The following PTBP3 variants were observed in gnomAD, a reference collection of about 807,000 sequenced individuals.
The protein encoded by PTBP3 is polypyrimidine tract-binding protein 3.
In PTBP3, 20 loss-of-function variants were observed where a neutral mutation model predicts 58.7. That is an observed-to-expected ratio of 0.34 (90% confidence interval 0.24 to 0.50). PTBP3 has a LOEUF of 0.50. Ranked by LOEUF, PTBP3 falls within the 20% of genes least tolerant of loss-of-function variation. The pLI is 0.98. For synonymous variants in PTBP3, 185 were observed against 219.8 expected, an observed-to-expected ratio of 0.84 and a Z score of 1.40; for missense variants, 509 against 637.2, an observed-to-expected ratio of 0.80 and a Z score of 2.17.
At position 112,298,895 on chromosome 9, in the gene PTBP3, G is replaced by T. The variant is rs547868220; in HGVS notation, c.-51-979C>A. On this transcript the variant is annotated intron_variant, in intron 1 of 13. Coordinates refer to ENST00000374257, the MANE Select transcript of PTBP3 (RefSeq NM_001163788.4). ...ACTCCCTTTGGATCTTTCACTGGAA[G>T]TTTATAGAGACATCTGGGAATAAGA... Among the ~76,000 whole-genome samples, 5 of 152,296 alleles carry T rather than the reference G, an allele frequency of 3.3e-5. No homozygotes were observed. The South Asian group carries it at 6.2e-4, about 19-fold the overall frequency.
At chr9:112,344,695 A>G in the PTBP3 span, among the ~76,000 whole-genome samples, 1 of 152,242 alleles carries the variant, frequency 6.6e-6, no homozygotes, top group African/African-American at 2.4e-5. Context: ...TCTATGTAGA[A>G]AATTCAAAAG....
At chr9:112,277,914 AAC>A (rs1237468930) in intron 2 of PTBP3, among the ~76,000 whole-genome samples, 23 of 128,164 alleles carry the variant, frequency 1.8e-4, no homozygotes, top group African/African-American at 6.7e-4. Flanking sequence ...AACATAACAT[AAC>A]ATAACATAAC....
In PTBP3 at chr9:112,277,022, A is replaced by G. The variant is rs74563877; in HGVS notation, c.35-1009T>C. ...AAAAATATCATTTCTCTAAACACTA[A>G]TGAAACTTTACAATCAAATGTCTGT... is the stretch of plus-strand genomic sequence containing the variant. On this transcript the variant is annotated intron_variant, in intron 2 of 13. Transcript: ENST00000374257. Among the ~76,000 whole-genome samples, 177 of 152,326 alleles carry G rather than the reference A, an allele frequency of 1.2e-3. 8 individuals carry two copies. The East Asian group carries it at 0.032, about 28-fold the overall frequency.
chr9:112,330,543 T>G, intron 1 of PTBP3: 1 of 1,067,606 alleles, frequency 9.4e-7, no homozygotes, highest in Non-Finnish European at 1.4e-6. Context: ...AAGACAGAGA[T>G]AGTAAGAATA....
chr9:112,305,318 G>A (rs576160985), intron 1 of PTBP3, among the ~76,000 whole-genome samples: 2 of 151,268 alleles, frequency 1.3e-5, no homozygotes, highest in East Asian at 1.9e-4. Context: ...CATAGGGTAA[G>A]GAATAGCCAT....
the PTBP3 span, among the ~76,000 whole-genome samples, chr9:112,354,449 G>A: frequency 1.3e-5 from 2 of 152,238 alleles, no homozygotes; most frequent in Non-Finnish European, 2.9e-5. Context: ...CTGGAAAGCT[G>A]CTCTGTGAAG....
At chr9:112,306,731 T>C (rs1239286369) in intron 1 of PTBP3, among the ~76,000 whole-genome samples, 2 of 151,956 alleles carry the variant, frequency 1.3e-5, no homozygotes, top group Non-Finnish European at 2.9e-5. Context: ...TTCTCCTGCC[T>C]CAGCCTCCCA....
chr9:112,302,984 C>G (rs1016357440), intron 1 of PTBP3, among the ~76,000 whole-genome samples: 1 of 151,958 alleles, frequency 6.6e-6, no homozygotes, highest in African/African-American at 2.4e-5. Flanking sequence ...TTTTCTCATT[C>G]GATAAACTGT....
chr9:112,247,371 G>T (rs1243760042), intron 7 of PTBP3, among the ~76,000 whole-genome samples: 1 of 151,854 alleles, frequency 6.6e-6, no homozygotes, highest in Non-Finnish European at 1.5e-5. Context: ...ACTCGAAAGA[G>T]ACATGACAAA....
In PTBP3 at chr9:112,223,946, C is replaced by T; in HGVS notation, c.1480G>A (p.Val494Met). 3 of 1,613,524 alleles carry T rather than the reference C, an allele frequency of 1.9e-6. No individual in the cohort carries two copies. The highest frequency in any genetic ancestry group is 2.5e-6 in the Non-Finnish European group (3 of 1,179,738). The change falls in exon 14 of 14, where the codon GTG (valine) becomes ATG (methionine). Residue 494 changes from valine (V) to methionine (M), a missense_variant. Coordinates refer to ENST00000374257, the MANE Select transcript of PTBP3 (RefSeq NM_001163788.4). ...RKMALIQLGS[V>M]EEAIQALIEL... ...ATGAGGGCCTGAATTGCTTCTTCCA[C>T]AGATCCCAATTGAATGAGCGCCATT...
intron 1 of PTBP3, among the ~76,000 whole-genome samples, chr9:112,309,368 G>A (rs913103994): frequency 1.3e-5 from 2 of 152,038 alleles, no homozygotes; most frequent in Admixed American, 6.6e-5. Context: ...TTGATATGGA[G>A]TTTCACTATA....
chr9:112,359,854 G>C, the PTBP3 span, among the ~76,000 whole-genome samples: 1 of 149,300 alleles, frequency 6.7e-6, no homozygotes, highest in Non-Finnish European at 1.5e-5. Flanking sequence ...AAAAAAACAA[G>C]TTTCAAAACA....
chr9:112,297,955 T>A (rs1332159782), intron 1 of PTBP3, 39 bp from the exon 2 acceptor site: 2 of 1,465,034 alleles, frequency 1.4e-6, no homozygotes, highest in Non-Finnish European at 1.9e-6. Context: ...TAAACCAAGT[T>A]TTAGATAATG....
chr9:112,321,175 C>T (rs188877717), intron 1 of PTBP3, among the ~76,000 whole-genome samples: 7 of 152,148 alleles, frequency 4.6e-5, no homozygotes, highest in Admixed American at 3.9e-4. Flanking sequence ...GAAATATAAA[C>T]CCTATTTGAA....
In PTBP3 at chr9:112,283,836, C is replaced by G. The variant is rs530073756; in HGVS notation, c.35-7823G>C. Among the ~76,000 whole-genome samples the G allele has an allele frequency of 6.6e-5, 10 of 152,326 alleles. No individual in the cohort carries two copies. The South Asian group carries it at 2.1e-3, about 32-fold the overall frequency. On this transcript the variant is annotated intron_variant, in intron 2 of 13. Coordinates refer to ENST00000374257, the MANE Select transcript of PTBP3 (RefSeq NM_001163788.4). The stretch of plus-strand genomic sequence containing the variant: ...CTCTGTGCAGCCTTGGAACTTGGTG[C>G]CCTGCATCCCAGCTGCTCTAGCTCC...
chr9:112,308,942 A>G (rs1340130048), intron 1 of PTBP3, among the ~76,000 whole-genome samples: 1 of 152,228 alleles, frequency 6.6e-6, no homozygotes, highest in Non-Finnish European at 1.5e-5. Flanking sequence ...AAAGCAAAGA[A>G]ATACTGTAAT....
At chr9:112,246,708 AAAAG>A (rs796557253) in intron 7 of PTBP3, among the ~76,000 whole-genome samples, 107 of 151,888 alleles carry the variant, frequency 7.0e-4, no homozygotes, top group African/African-American at 2.4e-3. Context: ...AAAAAAAAGA[AAAAG>A]AAAAAGAAAA....
intron 4 of PTBP3, 118 bp downstream of exon 4, chr9:112,267,931 G>T: frequency 1.1e-6 from 1 of 891,094 alleles, no homozygotes; most frequent in Non-Finnish European, 1.6e-6. Flanking sequence ...ATACAATTAT[G>T]ACTAGTAAAG....
chr9:112,320,928 G>T (rs1829922353), intron 1 of PTBP3, among the ~76,000 whole-genome samples: 2 of 152,120 alleles, frequency 1.3e-5, no homozygotes, highest in South Asian at 4.1e-4. Flanking sequence ...GCAAATAAAT[G>T]AGAAAATCTT....
Sources: allele counts gnomAD v4.1 joint callset (sites outside exome capture counted in the v4.1 genomes callset), GRCh38; gene constraint gnomAD v4.1.1; transcripts MANE v1.5; gene names NCBI Gene and HGNC (gene_info 2026-07-23, HGNC 2026-07-21).